Variants in PCDHGA5 observed in about 807,000 individuals in gnomAD.
The protein encoded by PCDHGA5 is protocadherin gamma-A5.
A neutral mutation model predicts 56.7 loss-of-function variants in PCDHGA5; 36 were observed. The observed-to-expected ratio is 0.64, with a 90% CI of 0.49 to 0.84. The LOEUF is 0.84. Among genes scored for constraint, PCDHGA5 ranks in the 40% least tolerant of loss-of-function variants. PCDHGA5 has a pLI of 0.00. For missense variants in PCDHGA5, 1,305 were observed against 1,201.5 expected, an observed-to-expected ratio of 1.09 and a Z score of -1.27; for synonymous variants, 563 against 520.2, an observed-to-expected ratio of 1.08 and a Z score of -1.12.
At chr5:141,450,885 T>C (rs1262944058) in intron 1 of PCDHGA5, among the ~76,000 whole-genome samples, 1 of 149,238 alleles carries the variant, frequency 6.7e-6, no homozygotes, top group African/African-American at 2.5e-5. Context: ...TGTGCAGTGG[T>C]GCGATATCGG....
chr5:141,487,812 T>A lies in PCDHGA5; in HGVS notation c.2422-6995T>A. ...TAACCAGAGTTGTCACAGTTTAGCA[T>A]TGGGGGCGGGTCATGCCTATATCTG... On this transcript the variant is annotated intron_variant, in intron 1 of 3. Coordinates refer to ENST00000518069, the MANE Select transcript of PCDHGA5 (RefSeq NM_018918.3). The surrounding 1 kb of genome is among the most constrained non-coding windows in gnomAD (Gnocchi z 5.0). 1 of 1,408,206 alleles carries A rather than the reference T, an allele frequency of 7.1e-7. No individual in the cohort carries two copies. The highest frequency in any genetic ancestry group is 9.7e-7 in the Non-Finnish European group (1 of 1,036,248). 87.2% of individuals were successfully genotyped at this position (1,408,206 alleles called of 1,614,324 possible). A position where few individuals can be genotyped will look rare whatever the true frequency, so the allele number is the denominator to read the frequency against.
chr5:141,421,535 G>A, intron 1 of PCDHGA5: 7 of 1,614,032 alleles, frequency 4.3e-6, no homozygotes, highest in East Asian at 2.2e-5. Flanking sequence ...GTGTCCTCCT[G>A]TTTTTTAAAT....
At position 141,486,765 on chromosome 5, in the gene PCDHGA5, T is replaced by C; in HGVS notation, c.2422-8042T>C. On this transcript the variant is annotated intron_variant, in intron 1 of 3. Transcript: ENST00000518069. This position sits in a 1 kb window ranked among gnomAD's most constrained non-coding sequence, Gnocchi z 5.0. ...TTTGACTATGAGCAAACCCAGACACTGCAGTTTGAGGTGCAGGCCCGGGAT... is the reference window on the plus strand; with the variant it reads ...TTTGACTATGAGCAAACCCAGACACCGCAGTTTGAGGTGCAGGCCCGGGAT... 4 of 1,614,230 alleles carry C rather than the reference T, an allele frequency of 2.5e-6. No individual in the cohort carries two copies. Among genetic ancestry groups the C allele is most frequent in the Non-Finnish European group, 3.4e-6 (4 of 1,180,038 alleles).
intron 1 of PCDHGA5, among the ~76,000 whole-genome samples, chr5:141,429,890 C>A (rs2097251428): frequency 6.6e-6 from 1 of 152,112 alleles, no homozygotes; most frequent in African/African-American, 2.4e-5. Context: ...GTTTCCTGAA[C>A]AATAAATATT....
rs769514553 is a variant in PCDHGA5, at chr5:141,490,072, G to T, written c.2422-4735G>T. On this transcript the variant is annotated intron_variant, in intron 1 of 3. Transcript: ENST00000518069. The surrounding 1 kb of genome is among the most constrained non-coding windows in gnomAD (Gnocchi z 5.4). Reference sequence around the variant, plus strand: ...AGACGAGGGCACCAACGGCCAACTAGACTATTCTTTTGGAGACCACACATC... The same window carrying T: ...AGACGAGGGCACCAACGGCCAACTATACTATTCTTTTGGAGACCACACATC... 2 of 1,614,254 alleles carry T rather than the reference G, an allele frequency of 1.2e-6. No homozygotes were observed. Among genetic ancestry groups the T allele is most frequent in the South Asian group, 2.2e-5 (2 of 91,090 alleles).
At position 141,431,421 on chromosome 5, in the gene PCDHGA5, T is replaced by A. The variant is rs2097372202; in HGVS notation, c.2422-63386T>A. On this transcript the variant is annotated intron_variant, in intron 1 of 3. Transcript: ENST00000518069. The surrounding 1 kb of genome is among the most constrained non-coding windows in gnomAD (Gnocchi z 4.8). The stretch of plus-strand genomic sequence containing the variant: ...ACGGCCTCCGACGGGGGCGACCCGG[T>A]GCGCACAGGCACCGCGCGCATCCGC... 1 of 1,613,580 alleles carries A rather than the reference T, an allele frequency of 6.2e-7. No individual in the cohort carries two copies. The highest frequency in any genetic ancestry group is 1.1e-5 in the South Asian group (1 of 91,082).
At chr5:141,425,717 C>G (rs1207360676) in intron 1 of PCDHGA5, among the ~76,000 whole-genome samples, 1 of 152,188 alleles carries the variant, frequency 6.6e-6, no homozygotes, top group African/African-American at 2.4e-5. Context: ...TTTTCCCATA[C>G]CACTTGATGG....
intron 1 of PCDHGA5, chr5:141,415,663 T>C: frequency 6.3e-7 from 1 of 1,578,204 alleles, no homozygotes; most frequent in Non-Finnish European, 8.6e-7. Flanking sequence ...GATTGGTTTT[T>C]ACTTTGAAGT....
At position 141,366,285 on chromosome 5, in the gene PCDHGA5, C is replaced by T. The variant is rs1764466152; in HGVS notation, c.1955C>T (p.Pro652Leu). 2.5e-6 allele frequency: 4 copies of T among 1,613,710 alleles called. No homozygotes were observed. The highest frequency in any genetic ancestry group is 2.2e-5 in the East Asian group (1 of 44,880). The change falls in exon 1 of 4, where the codon CCC (proline) becomes CTC (leucine). Residue 652 changes from proline (P) to leucine (L), a missense_variant. Pro to Leu is a moderately conservative substitution (Grantham distance 98, BLOSUM62 -3). Transcript: ENST00000518069. ...GTGGCCGTCGAAGACCATGGCCAGC[C>T]CCCTCTGTCAGCCACCTTCACGGTC... ...LVVAVEDHGQ[P>L]PLSATFTVTV...
At position 141,371,231 on chromosome 5, in the gene PCDHGA5, T is replaced by C. The variant is rs770415345; in HGVS notation, c.2421+4480T>C. 5.6e-6 allele frequency: 9 copies of C among 1,613,934 alleles called. No homozygotes were observed. In the African/African-American group the frequency reaches 6.7e-5, roughly 12 times the overall value. ...AGGGCATCAATGCCGAAATCATCTA[T>C]GCCTTCATCAATATTGGCAAGGAAG... On this transcript the variant is annotated intron_variant, in intron 1 of 3. Coordinates refer to ENST00000518069, the MANE Select transcript of PCDHGA5 (RefSeq NM_018918.3).
At chr5:141,419,086 C>G (rs2096324558) in intron 1 of PCDHGA5, 1 of 1,613,808 alleles carries the variant, frequency 6.2e-7, no homozygotes, top group African/African-American at 1.3e-5. Context: ...CAGATGAGGC[C>G]CTGGATCGGG....
Position 141,486,314 on chromosome 5 carries a change from T to C in PCDHGA5, c.2422-8493T>C, listed in dbSNP as rs775833520. The C allele has an allele frequency of 4.5e-5, 72 of 1,613,758 alleles. No homozygotes were observed. The highest frequency in any genetic ancestry group is 5.9e-5 in the Non-Finnish European group (70 of 1,179,984). On this transcript the variant is annotated intron_variant, in intron 1 of 3. Transcript: ENST00000518069. This position sits in a 1 kb window ranked among gnomAD's most constrained non-coding sequence, Gnocchi z 5.0. ...CAGTGTGCAGGATCCAGACTCAGGG[T>C]CAAACGGAGATGTGAGCCTCCGCAT...
In PCDHGA5 at chr5:141,432,498, G is replaced by A. The variant is rs766191511; in HGVS notation, c.2422-62309G>A. Reference sequence around the variant, plus strand: ...TCCACTGGCGTGGAGCTGGCTCCCCGCTCCGCAGAGCCCGGCTACCTGGTG... The same window carrying A: ...TCCACTGGCGTGGAGCTGGCTCCCCACTCCGCAGAGCCCGGCTACCTGGTG... On this transcript the variant is annotated intron_variant, in intron 1 of 3. Coordinates refer to ENST00000518069, the MANE Select transcript of PCDHGA5 (RefSeq NM_018918.3). This position sits in a 1 kb window ranked among gnomAD's most constrained non-coding sequence, Gnocchi z 6.0. The A allele has an allele frequency of 1.9e-6, 3 of 1,614,106 alleles. No homozygotes were observed. The highest frequency in any genetic ancestry group is 2.5e-6 in the Non-Finnish European group (3 of 1,180,052).
chr5:141,424,401 G>A (rs1167861346), intron 1 of PCDHGA5: 1 of 151,844 alleles, frequency 6.6e-6, no homozygotes, highest in Non-Finnish European at 1.5e-5. Flanking sequence ...CCATTACTAT[G>A]GTGAAGTTAC....
intron 2 of PCDHGA5, among the ~76,000 whole-genome samples, chr5:141,504,799 C>A (rs1474096570): frequency 6.6e-6 from 1 of 151,994 alleles, no homozygotes; most frequent in African/African-American, 2.4e-5. Context: ...CCTACATCTC[C>A]CCCTAGGTAC....
At chr5:141,495,257 A>T (rs1411983517) in intron 2 of PCDHGA5, among the ~76,000 whole-genome samples, 1 of 152,200 alleles carries the variant, frequency 6.6e-6, no homozygotes, top group Non-Finnish European at 1.5e-5. Context: ...CTCAGGCAGA[A>T]AAGCATTTGA....
intron 1 of PCDHGA5, among the ~76,000 whole-genome samples, chr5:141,484,764 A>G (rs1469048336): frequency 6.6e-6 from 1 of 151,806 alleles, no homozygotes; most frequent in African/African-American, 2.4e-5. Flanking sequence ...ATATATATAT[A>G]TGTTGTCTGC....
Position 141,485,444 on chromosome 5 carries a change from G to T in PCDHGA5, c.2422-9363G>T. 1 of 1,614,108 alleles carries T rather than the reference G, an allele frequency of 6.2e-7. No homozygotes were observed. The highest frequency in any genetic ancestry group is 8.5e-7 in the Non-Finnish European group (1 of 1,180,020). ...AGCCCTGCTCATCAAGAACCCAATC[G>T]ACCGAGAGGCACTGTGTGGGCTCAG... is the stretch of plus-strand genomic sequence containing the variant. On this transcript the variant is annotated intron_variant, in intron 1 of 3. Coordinates refer to ENST00000518069, the MANE Select transcript of PCDHGA5 (RefSeq NM_018918.3). This position sits in a 1 kb window ranked among gnomAD's most constrained non-coding sequence, Gnocchi z 5.7.
chr5:141,437,434 G>A (rs183505868), intron 1 of PCDHGA5, among the ~76,000 whole-genome samples: 409 of 152,312 alleles, frequency 2.7e-3, no homozygotes, highest in Middle Eastern at 6.8e-3. Flanking sequence ...AGCAGCAATA[G>A]CATAGGAATG....
Sources: gnomAD v4.1 joint callset for allele counts (sites outside exome capture counted in the v4.1 genomes callset) on GRCh38, gnomAD v4.1.1 for gene constraint, Gnocchi (gnomAD v3.1) non-coding constraint, MANE v1.5 for transcripts, NCBI Gene and HGNC (gene_info 2026-07-23, HGNC 2026-07-21) for gene names.